PCDHA9: variants seen among roughly 807,000 people sequenced by gnomAD.
PCDHA9 encodes protocadherin alpha 9, also known as protocadherin alpha-9.
A neutral mutation model predicts 62.0 loss-of-function variants in PCDHA9; 62 were observed. The observed-to-expected ratio is 1.00, with a 90% CI of 0.81 to 1.23. The LOEUF (loss-of-function observed/expected upper bound fraction) is 1.23, where lower values mean the gene tolerates loss of function less well. Ranked by LOEUF, PCDHA9 falls within the 50% of genes most tolerant of loss-of-function variation. PCDHA9 has a pLI of 0.00. For synonymous variants in PCDHA9, 557 were observed against 567.6 expected (o/e 0.98, Z 0.27); for missense variants, 1,205 against 1,249.8 (o/e 0.96, Z 0.54).
chr5:140,875,949 T>G (rs1306170767), intron 1 of PCDHA9: 3 of 1,614,214 alleles, frequency 1.9e-6, no homozygotes, highest in East Asian at 4.5e-5. Flanking sequence ...GCGCTTCTGA[T>G]GCGGATATCG....
rs192109857 is a variant in PCDHA9 at position 140,852,433 on chromosome 5, G to A, written c.2394+1544G>A. 4.2e-4 allele frequency: 75 copies of A among 180,184 alleles called. 1 individual carries two copies. The East Asian group carries it at 0.014, about 33-fold the overall frequency. The allele number at this position is 180,184 out of a possible 1,614,324, so 11.2% of individuals were successfully genotyped here. A position where few individuals can be genotyped will look rare whatever the true frequency, so the allele number is the denominator to read the frequency against. The stretch of plus-strand genomic sequence containing the variant: ...GCTGGGATTATAGGCACATGCCACC[G>A]CGCCCAGCTAATTTTTGTATTTTTA... On this transcript the variant is annotated intron_variant, in intron 1 of 3. Transcript: ENST00000532602.
At chr5:140,877,276 G>T (rs1038142877) in intron 1 of PCDHA9, 4 of 1,613,744 alleles carry the variant, frequency 2.5e-6, no homozygotes, top group Admixed American at 1.7e-5. Flanking sequence ...CGCTGACTCC[G>T]GCTATAACGC....
intron 1 of PCDHA9, chr5:140,877,144 G>A (rs543806401): frequency 1.9e-6 from 3 of 1,613,772 alleles, no homozygotes; most frequent in South Asian, 2.2e-5. Context: ...CGTGCTGGAC[G>A]AGAACGACAA....
intron 1 of PCDHA9, among the ~76,000 whole-genome samples, chr5:140,960,353 A>T (rs1197291282): frequency 6.6e-6 from 1 of 152,214 alleles, no homozygotes; most frequent in African/African-American, 2.4e-5. Context: ...ATATGTACTG[A>T]AATAATATGC....
chr5:140,877,480 G>A (rs782077464), intron 1 of PCDHA9: 3 of 1,613,888 alleles, frequency 1.9e-6, no homozygotes, highest in Non-Finnish European at 8.5e-7. Context: ...GGTGTCGCTG[G>A]TGGAGAACGG....
At chr5:140,886,860 C>T (rs1363871264) in intron 1 of PCDHA9, among the ~76,000 whole-genome samples, 1 of 151,304 alleles carries the variant, frequency 6.6e-6, no homozygotes, top group East Asian at 1.9e-4. Flanking sequence ...AAGGTCTTCC[C>T]AACTCCTATA....
Position 140,883,665 on chromosome 5 carries a change from A to G in PCDHA9, c.2394+32776A>G, listed in dbSNP as rs782383703. 3.7e-6 allele frequency: 6 copies of G among 1,613,494 alleles called. No individual in the cohort carries two copies. The African/African-American group carries it at 8.0e-5, about 22-fold the overall frequency. On this transcript the variant is annotated intron_variant, in intron 1 of 3. Transcript: ENST00000532602. ...CCCGAGTACACGGTGTTCGTGAAGG[A>G]AAACAATCCGCCGGGCTGCCACATC...
intron 1 of PCDHA9, among the ~76,000 whole-genome samples, chr5:140,960,167 CTTAAG>C (rs1291277794): frequency 1.3e-5 from 2 of 152,052 alleles, no homozygotes; most frequent in Non-Finnish European, 2.9e-5. Context: ...TAATACAATT[CTTAAG>C]TTAGGGGTTG....
intron 2 of PCDHA9, among the ~76,000 whole-genome samples, chr5:140,980,144 T>C (rs2096877989): frequency 6.6e-6 from 1 of 152,172 alleles, no homozygotes; most frequent in Admixed American, 6.6e-5. Flanking sequence ...GAAACATTCA[T>C]GCATATACCA....
chr5:141,001,520 C>G (rs542518188), intron 3 of PCDHA9, among the ~76,000 whole-genome samples: 1 of 152,300 alleles, frequency 6.6e-6, no homozygotes, highest in South Asian at 2.1e-4. Flanking sequence ...CTTTCTCCCT[C>G]TCTCTCTGAT....
chr5:141,004,627 T>C lies in PCDHA9; in HGVS notation c.2543-5000T>C, dbSNP rs538896289. On this transcript the variant is annotated intron_variant, in intron 3 of 3. Transcript: ENST00000532602. ...GCCTCATGCAGAGTCCTGGTTATGG[T>C]TGAAGAAAAATTTCCATTTTGGGCT... 3.9e-5 allele frequency among the ~76,000 whole-genome samples: 6 copies of C among 152,330 alleles called. No individual in the cohort carries two copies. The East Asian group carries it at 1.2e-3, about 29-fold the overall frequency.
intron 1 of PCDHA9, chr5:140,929,344 A>G: frequency 6.5e-7 from 1 of 1,531,050 alleles, no homozygotes; most frequent in South Asian, 1.3e-5. Flanking sequence ...ATTTTATGGA[A>G]TTTGATTCCT....
intron 1 of PCDHA9, chr5:140,877,976 C>T: frequency 8.0e-7 from 1 of 1,255,054 alleles, no homozygotes. Flanking sequence ...GTCATTCTTA[C>T]TCATTTTGAA....
At chr5:140,944,995 T>A (rs246062) in intron 1 of PCDHA9, among the ~76,000 whole-genome samples, 85,717 of 151,900 alleles carry the variant, frequency 0.56, 24,795 homozygotes, top group African/African-American at 0.69. Flanking sequence ...TCTGTAACGG[T>A]TGTGGGTCAT....
In PCDHA9 at chr5:141,011,172, A is replaced by G. The variant is rs377766708; in HGVS notation, c.*1235A>G. On this transcript the variant is annotated 3_prime_UTR_variant, in exon 4 of 4. Transcript: ENST00000532602. ...TCTAACCAACTATATATCAAGACCC[A>G]AAAATTGAAGAAAAATATTGTTTTC... 53 of 153,852 alleles carry G rather than the reference A, an allele frequency of 3.4e-4. No individual in the cohort carries two copies. Among genetic ancestry groups the G allele is most frequent in the African/African-American group, 1.2e-3 (51 of 41,568 alleles). 9.5% of individuals were successfully genotyped at this position (153,852 alleles called of 1,614,324 possible).
intron 3 of PCDHA9, among the ~76,000 whole-genome samples, chr5:140,984,886 C>A (rs1254649508): frequency 1.3e-5 from 2 of 151,720 alleles, no homozygotes; most frequent in Non-Finnish European, 2.9e-5. Context: ...ACCATGAGAA[C>A]TAAAGGAGAA....
At chr5:140,954,305 T>C (rs2153702260) in intron 1 of PCDHA9, among the ~76,000 whole-genome samples, 1 of 152,342 alleles carries the variant, frequency 6.6e-6, no homozygotes, top group South Asian at 2.1e-4. Context: ...TACCCAGTAA[T>C]GGGATTGCTG....
chr5:140,870,857 G>C, intron 1 of PCDHA9: 1 of 1,613,916 alleles, frequency 6.2e-7, no homozygotes. Context: ...CGGTCGGTGG[G>C]TGCGGGCCAC....
intron 1 of PCDHA9, among the ~76,000 whole-genome samples, chr5:140,918,404 T>C (rs2078676215): frequency 6.6e-6 from 1 of 152,196 alleles, no homozygotes; most frequent in Admixed American, 6.5e-5. Context: ...CTGATTTCTC[T>C]GGCCAGGACT....
Sources: allele counts gnomAD v4.1 joint callset (sites outside exome capture counted in the v4.1 genomes callset), GRCh38; gene constraint gnomAD v4.1.1; transcripts MANE v1.5; gene names NCBI Gene and HGNC (gene_info 2026-07-23, HGNC 2026-07-21).